The following PARP8 variants were observed in gnomAD, a reference collection of about 807,000 sequenced individuals.
The protein encoded by PARP8 is poly(ADP-ribose) polymerase family member 8, also known as protein mono-ADP-ribosyltransferase PARP8.
In PARP8, 51 loss-of-function variants were observed where a neutral mutation model predicts 124.1. The ratio of observed to expected loss-of-function variants is 0.41; its 90% confidence interval spans 0.33 to 0.52. The LOEUF (loss-of-function observed/expected upper bound fraction) is 0.52. Among genes scored for constraint, PARP8 ranks in the 20% least tolerant of loss-of-function variants. PARP8 has a pLI of 0.21. For synonymous variants in PARP8, 391 were observed against 361.5 expected (o/e 1.08, Z -0.93); for missense variants, 860 against 1,018.9 (o/e 0.84, Z 2.12).
intron 2 of PARP8, among the ~76,000 whole-genome samples, chr5:50,742,415 A>T (rs1419962557): frequency 6.6e-6 from 1 of 152,196 alleles, no homozygotes; most frequent in African/African-American, 2.4e-5. Context: ...CAGCAAGTAG[A>T]TGGATTAATC....
At chr5:50,811,907 AG>A (rs1336034907) in intron 14 of PARP8, among the ~76,000 whole-genome samples, 6 of 152,178 alleles carry the variant, frequency 3.9e-5, no homozygotes, top group Non-Finnish European at 7.3e-5. Context: ...GTTGCTACAA[AG>A]GACATGAACT....
chr5:50,686,199 G>T (rs1751841387), intron 2 of PARP8, among the ~76,000 whole-genome samples: 1 of 152,214 alleles, frequency 6.6e-6, no homozygotes, highest in Non-Finnish European at 1.5e-5. Context: ...TTGAATAGAT[G>T]CAGTCATTCC....
At chr5:50,822,628 C>A (rs755623654) in intron 17 of PARP8, among the ~76,000 whole-genome samples, 3 of 152,102 alleles carry the variant, frequency 2.0e-5, no homozygotes, top group African/African-American at 7.2e-5. Flanking sequence ...CCCTCAAACT[C>A]GGGCAAGAGC....
At chr5:50,822,538 A>G in intron 17 of PARP8, 138 bp downstream of exon 17, 1 of 641,924 alleles carries the variant, frequency 1.6e-6, no homozygotes, top group South Asian at 2.0e-5. Flanking sequence ...ATTAAATCAC[A>G]TCAGTGTACT....
chr5:50,694,178 A>G (rs1561254066), intron 2 of PARP8, among the ~76,000 whole-genome samples: 1 of 152,158 alleles, frequency 6.6e-6, no homozygotes, highest in Non-Finnish European at 1.5e-5. Flanking sequence ...CTATTTACTC[A>G]TACTATATTA....
At chr5:50,724,771 T>A (rs1756247808) in intron 2 of PARP8, among the ~76,000 whole-genome samples, 1 of 151,874 alleles carries the variant, frequency 6.6e-6, no homozygotes, top group African/African-American at 2.4e-5. Context: ...TACACGGTGG[T>A]GAATTCTGAG....
At chr5:50,787,512 C>T (rs973220881) in intron 9 of PARP8, among the ~76,000 whole-genome samples, 1 of 152,030 alleles carries the variant, frequency 6.6e-6, no homozygotes, top group Admixed American at 6.6e-5. Flanking sequence ...TATATTTTTC[C>T]CCATCTTTAT....
intron 19 of PARP8, among the ~76,000 whole-genome samples, chr5:50,827,238 T>C (rs897465093): frequency 3.3e-5 from 5 of 152,154 alleles, no homozygotes; most frequent in Non-Finnish European, 5.9e-5. Flanking sequence ...AAAAAGCTAA[T>C]AGACTCTGGA....
Position 50,788,605 on chromosome 5 carries a change from T to G in PARP8, c.737+16T>G. ...AGCTGAAAAAGTAAGTTTGCTAAAG[T>G]GCAAAAAATAAATTTCTGCTAAAGA... On this transcript the variant is annotated intron_variant, in intron 10 of 25. Transcript: ENST00000281631. 1.2e-6 allele frequency: 2 copies of G among 1,600,972 alleles called. No individual in the cohort carries two copies. The highest frequency in any genetic ancestry group is 2.2e-5 in the East Asian group (1 of 44,704).
chr5:50,669,319 T>C (rs1478693238), intron 2 of PARP8: 1 of 152,228 alleles, frequency 6.6e-6, no homozygotes, highest in Non-Finnish European at 1.5e-5. Context: ...GGAGACTTGG[T>C]TGATTAAATT....
chr5:50,685,359 C>T (rs1323476287), intron 2 of PARP8, among the ~76,000 whole-genome samples: 10 of 152,178 alleles, frequency 6.6e-5, no homozygotes, highest in African/African-American at 2.4e-4. Context: ...GGTTTCTTTT[C>T]AACAGTCAGC....
At position 50,778,595 on chromosome 5, in the gene PARP8, A is replaced by G; in HGVS notation, c.615A>G (p.Thr205=). The part of the protein sequence containing the change: ...EIAVAWEVIR[T]EPIIVRLHCS... ...CTGTGGCTTGGGAAGTAATTCGAACAGAACCTATAATTGTTCGACTACACT... is the reference window on the plus strand; with the variant it reads ...CTGTGGCTTGGGAAGTAATTCGAACGGAACCTATAATTGTTCGACTACACT... The change falls in exon 9 of 26, where the codon ACA becomes ACG. Residue 205 remains threonine, a synonymous_variant. Transcript: ENST00000281631. 1 of 1,610,302 alleles carries G rather than the reference A, an allele frequency of 6.2e-7. No individual in the cohort carries two copies. Among genetic ancestry groups the G allele is most frequent in the Non-Finnish European group, 8.5e-7 (1 of 1,178,876 alleles).
chr5:50,806,748 T>C (rs6888271), intron 14 of PARP8, among the ~76,000 whole-genome samples: 10,193 of 152,144 alleles, frequency 0.067, 381 homozygotes, highest in Middle Eastern at 0.11. Context: ...GAAACAGATA[T>C]TTTACCTAAG....
intron 9 of PARP8, among the ~76,000 whole-genome samples, chr5:50,781,554 T>C (rs549722203): frequency 5.3e-5 from 8 of 152,332 alleles, no homozygotes; most frequent in Admixed American, 2.6e-4. Context: ...CTGTGAGCTC[T>C]GCTGGTGCCC....
At chr5:50,734,668 A>G (rs1757306583) in intron 2 of PARP8, among the ~76,000 whole-genome samples, 1 of 152,042 alleles carries the variant, frequency 6.6e-6, no homozygotes. Flanking sequence ...TCTCAAATTG[A>G]TTGATCAAAT....
At chr5:50,764,755 A>G (rs528653714) in intron 7 of PARP8, among the ~76,000 whole-genome samples, 2 of 152,040 alleles carry the variant, frequency 1.3e-5, no homozygotes, top group African/African-American at 2.4e-5. Context: ...GAATGCATAT[A>G]TGAAGAAGGC....
At chr5:50,700,852 TC>T (rs1276555333) in intron 2 of PARP8, among the ~76,000 whole-genome samples, 1 of 152,138 alleles carries the variant, frequency 6.6e-6, no homozygotes, top group East Asian at 1.9e-4. Context: ...AAGCCTTCTC[TC>T]AGGATAATCA....
chr5:50,759,254 C>G (rs1486495146), intron 3 of PARP8, among the ~76,000 whole-genome samples: 3 of 151,920 alleles, frequency 2.0e-5, no homozygotes, highest in African/African-American at 7.3e-5. Flanking sequence ...AACAAATGCT[C>G]TTTTTCAGTT....
chr5:50,773,309 G>A (rs140665805), intron 7 of PARP8, among the ~76,000 whole-genome samples: 36 of 152,260 alleles, frequency 2.4e-4, no homozygotes, highest in African/African-American at 7.7e-4. Flanking sequence ...ATATTTTTGG[G>A]TCTTACATTT....
Sources: gnomAD v4.1 joint callset for allele counts (sites outside exome capture counted in the v4.1 genomes callset) on GRCh38, gnomAD v4.1.1 for gene constraint, MANE v1.5 for transcripts, NCBI Gene and HGNC (gene_info 2026-07-23, HGNC 2026-07-21) for gene names.